PIK3C2G: variants seen among roughly 807,000 people sequenced by gnomAD.
The protein encoded by PIK3C2G is phosphatidylinositol-4-phosphate 3-kinase catalytic subunit type 2 gamma, also known as phosphatidylinositol 3-kinase C2 domain-containing subunit gamma.
Under a neutral mutation model 181.1 loss-of-function variants are expected in PIK3C2G, and 168 were observed. That is an observed-to-expected ratio of 0.93 (90% confidence interval 0.82 to 1.05). The LOEUF is 1.05. PIK3C2G is among the 50% of genes least tolerant of loss of function. PIK3C2G has a pLI of 0.00. For synonymous variants in PIK3C2G, 573 were observed against 592.2 expected (o/e 0.97, Z 0.47); for missense variants, 1,869 against 1,732.8 (o/e 1.08, Z -1.40).
At chr12:18,579,174 G>A (rs567350463) in intron 29 of PIK3C2G, among the ~76,000 whole-genome samples, 1 of 151,958 alleles carries the variant, frequency 6.6e-6, no homozygotes, top group Non-Finnish European at 1.5e-5. Context: ...AAATTAGAGA[G>A]ATTAAAAATA....
intron 10 of PIK3C2G, 24 bp downstream of exon 10, chr12:18,343,384 A>G: frequency 8.2e-7 from 1 of 1,213,768 alleles, no homozygotes; most frequent in Non-Finnish European, 1.2e-6. Flanking sequence ...GTACTCAAGT[A>G]TTTTGAAATA....
chr12:18,303,929 C>T (rs1267897982), intron 5 of PIK3C2G, among the ~76,000 whole-genome samples: 3 of 151,098 alleles, frequency 2.0e-5, no homozygotes, highest in Non-Finnish European at 2.9e-5. Context: ...GAATTGAGTG[C>T]TGAAAACATA....
At position 18,423,931 on chromosome 12, in the gene PIK3C2G, G is replaced by A; in HGVS notation, c.2410-14G>A. The A allele has an allele frequency of 1.3e-6, 2 of 1,524,050 alleles. No individual in the cohort carries two copies. The highest frequency in any genetic ancestry group is 1.8e-6 in the Non-Finnish European group (2 of 1,101,806). The allele number at this position is 1,524,050 out of a possible 1,614,324, so 94.4% of individuals were successfully genotyped here. The stretch of plus-strand genomic sequence containing the variant: ...TGTTACTGAGAAGTAAAGTAATTGT[G>A]TCTCTTACTTCAGGCTGTCAAGTTT... On this transcript the variant is annotated splice_polypyrimidine_tract_variant and intron_variant, in intron 17 of 32. Transcript: ENST00000538779.
Position 18,286,947 on chromosome 12 carries a change from A to C in PIK3C2G, c.761+18A>C. On this transcript the variant is annotated intron_variant, in intron 3 of 32. Transcript: ENST00000538779. ...GTAAAAAAGTGAGTACTGGTATTTC[A>C]TTAAACTTTGAAATTTTTGTGCCTG... 2 of 1,384,418 alleles carry C rather than the reference A, an allele frequency of 1.4e-6. No homozygotes were observed. Among genetic ancestry groups the C allele is most frequent in the Non-Finnish European group, 2.0e-6 (2 of 1,015,874 alleles). The allele number at this position is 1,384,418 out of a possible 1,614,324, so 85.8% of individuals were successfully genotyped here.
chr12:18,713,233 G>A, the PIK3C2G span, among the ~76,000 whole-genome samples: 3 of 151,868 alleles, frequency 2.0e-5, no homozygotes, highest in African/African-American at 4.8e-5. Flanking sequence ...TTACTCTTCC[G>A]TGCTCTCCAT....
the PIK3C2G span, among the ~76,000 whole-genome samples, chr12:18,670,600 T>G: frequency 6.6e-6 from 1 of 152,226 alleles, no homozygotes; most frequent in Non-Finnish European, 1.5e-5. Context: ...ACTTCGTTTC[T>G]GCATATAAAG....
At chr12:18,464,393 A>G (rs1937630774) in intron 18 of PIK3C2G, among the ~76,000 whole-genome samples, 1 of 152,060 alleles carries the variant, frequency 6.6e-6, no homozygotes, top group Non-Finnish European at 1.5e-5. Context: ...TGCATTAAAC[A>G]TTAGGTTTCA....
the PIK3C2G span, among the ~76,000 whole-genome samples, chr12:18,697,671 C>CT: frequency 6.6e-6 from 1 of 152,130 alleles, no homozygotes; most frequent in Admixed American, 6.6e-5. Flanking sequence ...TCACATATAT[C>CT]TTCCCATTCT....
intron 18 of PIK3C2G, among the ~76,000 whole-genome samples, chr12:18,455,354 G>T (rs980761244): frequency 6.6e-6 from 1 of 152,038 alleles, no homozygotes; most frequent in Non-Finnish European, 1.5e-5. Flanking sequence ...GGAAGGGGAG[G>T]GGGGTGGCGG....
intron 18 of PIK3C2G, among the ~76,000 whole-genome samples, chr12:18,457,404 A>G (rs1344795657): frequency 6.6e-6 from 1 of 152,198 alleles, no homozygotes; most frequent in Non-Finnish European, 1.5e-5. Flanking sequence ...TTTGGCCATC[A>G]GAAAATTATA....
chr12:18,360,122 A>G (rs1341598245), intron 11 of PIK3C2G, among the ~76,000 whole-genome samples: 1 of 150,612 alleles, frequency 6.6e-6, no homozygotes. Context: ...TTTCGTAATG[A>G]TATGTTTTGA....
chr12:18,699,384 G>A, the PIK3C2G span, among the ~76,000 whole-genome samples: 3 of 152,122 alleles, frequency 2.0e-5, no homozygotes, highest in Admixed American at 6.5e-5. Context: ...CAGAGGTATC[G>A]TTTAGAAATA....
chr12:18,432,500 T>C (rs1946217710), intron 18 of PIK3C2G, among the ~76,000 whole-genome samples: 1 of 152,114 alleles, frequency 6.6e-6, no homozygotes, highest in South Asian at 2.1e-4. Context: ...ATAATGTTAG[T>C]CCCCCACTGT....
chr12:18,695,397 G>A, the PIK3C2G span, among the ~76,000 whole-genome samples: 2 of 152,266 alleles, frequency 1.3e-5, no homozygotes, highest in Admixed American at 6.5e-5. Context: ...TCAGAATAAA[G>A]AGTATCAGTG....
intron 20 of PIK3C2G, 57 bp downstream of exon 20, chr12:18,491,615 C>G: frequency 1.0e-6 from 1 of 984,578 alleles, no homozygotes; most frequent in Admixed American, 2.1e-5. Context: ...TAGTTTAGTT[C>G]ATTGTATATG....
chr12:18,703,489 T>C, the PIK3C2G span, among the ~76,000 whole-genome samples: 1 of 152,220 alleles, frequency 6.6e-6, no homozygotes, highest in African/African-American at 2.4e-5. Flanking sequence ...CATTGCTTTC[T>C]GACCTTTGTG....
At chr12:18,663,213 TAC>T in the PIK3C2G span, among the ~76,000 whole-genome samples, 1 of 152,098 alleles carries the variant, frequency 6.6e-6, no homozygotes, top group Non-Finnish European at 1.5e-5. Context: ...TAGTACTGGA[TAC>T]TCTATCCAGA....
At chr12:18,689,382 G>A in the PIK3C2G span, among the ~76,000 whole-genome samples, 2 of 152,180 alleles carry the variant, frequency 1.3e-5, no homozygotes, top group Non-Finnish European at 2.9e-5. Context: ...GGCCCATGGT[G>A]GCTTTGAATG....
At chr12:18,532,892 T>G (rs1039432015) in intron 24 of PIK3C2G, among the ~76,000 whole-genome samples, 1 of 151,904 alleles carries the variant, frequency 6.6e-6, no homozygotes, top group Non-Finnish European at 1.5e-5. Flanking sequence ...TGTTTTTTTT[T>G]TTTTTTTTTC....
Sources: allele counts gnomAD v4.1 joint callset (sites outside exome capture counted in the v4.1 genomes callset), GRCh38; gene constraint gnomAD v4.1.1; transcripts MANE v1.5; gene names NCBI Gene and HGNC (gene_info 2026-07-23, HGNC 2026-07-21).